Variants in SHB observed in about 807,000 individuals in gnomAD.
SHB encodes SH2 domain-containing adapter protein B.
SHB carries 20 observed loss-of-function variants against 52.3 expected under a neutral mutation model. The ratio of observed to expected loss-of-function variants is 0.38; its 90% CI spans 0.27 to 0.56. The LOEUF is 0.56. Among genes scored for constraint, SHB ranks in the 20% least tolerant of loss-of-function variants. The probability of loss-of-function intolerance (pLI) is 0.71; values close to 1 mark genes in which losing one functional copy is unlikely to be tolerated. For synonymous variants in SHB, 397 were observed against 316.5 expected (o/e 1.25, Z -2.70); for missense variants, 825 against 723.3 (o/e 1.14, Z -1.61).
chr9:37,939,054 C>A (rs894674850), intron 5 of SHB, among the ~76,000 whole-genome samples: 1 of 152,202 alleles, frequency 6.6e-6, no homozygotes, highest in African/African-American at 2.4e-5. Context: ...TACCTCCACA[C>A]ACCTCTCCTT....
chr9:38,021,192 T>A (rs550851950), intron 1 of SHB, among the ~76,000 whole-genome samples: 4 of 151,338 alleles, frequency 2.6e-5, no homozygotes, highest in East Asian at 2.0e-4. Context: ...ACAAAAAAAT[T>A]AGCTGGGCCT....
chr9:37,976,662 T>C (rs911699187), intron 2 of SHB, among the ~76,000 whole-genome samples: 1 of 152,168 alleles, frequency 6.6e-6, no homozygotes, highest in Admixed American at 6.5e-5. Flanking sequence ...TCATTATGTA[T>C]ATTCACCGTC....
At chr9:37,980,959 A>G (rs1820716827) in intron 2 of SHB, among the ~76,000 whole-genome samples, 1 of 152,224 alleles carries the variant, frequency 6.6e-6, no homozygotes, top group African/African-American at 2.4e-5. Flanking sequence ...TAAACAGAGG[A>G]ACTGCCATCC....
Position 37,919,925 on chromosome 9 carries a change from C to G in SHB, c.1426G>C (p.Asp476His). Residue 476 changes from aspartate (D) to histidine (H), a missense_variant, in exon 6 of 6, where the codon GAC becomes CAC. Physicochemically the swap from Asp to His is moderately conservative, Grantham distance 81. Coordinates refer to ENST00000377707, the MANE Select transcript of SHB (RefSeq NM_003028.3). ...YVLGQNSPPF[D>H]SVPEVIHYYT... ...TAGTGGATGACTTCCGGGACACTGT[C>G]GAACGGAGGGCTGTTCTGACCCAGA... 1 of 1,614,068 alleles carries G rather than the reference C, an allele frequency of 6.2e-7. No homozygotes were observed. Among genetic ancestry groups the G allele is most frequent in the Non-Finnish European group, 8.5e-7 (1 of 1,179,930 alleles).
intron 1 of SHB, among the ~76,000 whole-genome samples, chr9:38,035,072 A>G (rs1482683827): frequency 5.3e-5 from 8 of 152,124 alleles, no homozygotes; most frequent in Non-Finnish European, 1.5e-5. Context: ...TCTCATGGGC[A>G]TAATTGAAGG....
intron 2 of SHB, among the ~76,000 whole-genome samples, chr9:37,993,314 A>G (rs1207409273): frequency 6.6e-6 from 1 of 152,188 alleles, no homozygotes; most frequent in Non-Finnish European, 1.5e-5. Flanking sequence ...AGGAAGAAAA[A>G]CGAACTGAGC....
At chr9:37,946,840 A>T (rs1323966212) in intron 5 of SHB, among the ~76,000 whole-genome samples, 2 of 152,144 alleles carry the variant, frequency 1.3e-5, no homozygotes, top group African/African-American at 4.8e-5. Flanking sequence ...GATAACCCCC[A>T]ATGACCAGCA....
chr9:37,922,607 C>T (rs146962101), intron 5 of SHB, among the ~76,000 whole-genome samples: 3 of 152,296 alleles, frequency 2.0e-5, no homozygotes, highest in East Asian at 3.9e-4. Flanking sequence ...CAGGCTGTGC[C>T]GATGGGGCAG....
intron 2 of SHB, 125 bp downstream of exon 2, chr9:38,015,886 C>G: frequency 1.1e-6 from 1 of 900,346 alleles, no homozygotes; most frequent in Non-Finnish European, 1.7e-6. Flanking sequence ...TTGCTCCCAC[C>G]TACCAACTTG....
At chr9:37,928,744 C>A (rs1348245650) in intron 5 of SHB, among the ~76,000 whole-genome samples, 3 of 152,222 alleles carry the variant, frequency 2.0e-5, no homozygotes, top group Admixed American at 6.5e-5. Flanking sequence ...TCTGACGAAT[C>A]CCGGCTCGCC....
intron 5 of SHB, among the ~76,000 whole-genome samples, chr9:37,938,389 T>A (rs1464798059): frequency 2.0e-5 from 3 of 152,236 alleles, no homozygotes; most frequent in African/African-American, 7.2e-5. Flanking sequence ...TGCAGCACCC[T>A]CTATGCCTTC....
chr9:38,044,777 C>T (rs528749211), intron 1 of SHB, among the ~76,000 whole-genome samples: 1 of 152,244 alleles, frequency 6.6e-6, no homozygotes, highest in Non-Finnish European at 1.5e-5. Flanking sequence ...CTTCAATCAA[C>T]CTCTCTGAGA....
chr9:38,039,422 A>C (rs1821540197), intron 1 of SHB, among the ~76,000 whole-genome samples: 1 of 152,272 alleles, frequency 6.6e-6, no homozygotes, highest in Admixed American at 6.5e-5. Flanking sequence ...TGCCACTTCA[A>C]GTTTGCAAGA....
intron 3 of SHB, among the ~76,000 whole-genome samples, chr9:37,959,703 C>T (rs1053016183): frequency 6.6e-6 from 1 of 152,140 alleles, no homozygotes; most frequent in Non-Finnish European, 1.5e-5. Flanking sequence ...GACCCGGCTG[C>T]TTGTCCAGCC....
chr9:37,982,158 G>A (rs552474995), intron 2 of SHB, among the ~76,000 whole-genome samples: 3 of 152,070 alleles, frequency 2.0e-5, no homozygotes, highest in African/African-American at 7.2e-5. Flanking sequence ...AATGAAGTAT[G>A]CCTAAACATT....
At chr9:37,940,782 T>C (rs1184379566) in intron 5 of SHB, among the ~76,000 whole-genome samples, 1 of 152,222 alleles carries the variant, frequency 6.6e-6, no homozygotes, top group East Asian at 1.9e-4. Flanking sequence ...GATTTCTGCT[T>C]AGGGTATTCC....
chr9:38,056,566 A>C (rs1296593192), intron 1 of SHB, among the ~76,000 whole-genome samples: 1 of 152,186 alleles, frequency 6.6e-6, no homozygotes, highest in Non-Finnish European at 1.5e-5. Flanking sequence ...TCCTGAGCTC[A>C]TGTGATCCAC....
At chr9:37,956,727 C>T (rs10733491) in intron 3 of SHB, among the ~76,000 whole-genome samples, 88,145 of 152,018 alleles carry the variant, frequency 0.58, 25,815 homozygotes, top group East Asian at 0.82. Context: ...CCTGGAGACA[C>T]CACAAAGAGC....
rs1204455562 is a variant in SHB at position 38,068,074 on chromosome 9, G to A, written c.572C>T (p.Ala191Val). The A allele has an allele frequency of 3.3e-6, 5 of 1,492,916 alleles. No homozygotes were observed. The highest frequency in any genetic ancestry group is 4.4e-6 in the Non-Finnish European group (5 of 1,131,700). The allele number at this position is 1,492,916 out of a possible 1,614,324, so 92.5% of individuals were successfully genotyped here. A position where few individuals can be genotyped will look rare whatever the true frequency, so the allele number is the denominator to read the frequency against. ...GGGGTCCCCGGCCCCACCGCCCGCG[G>A]CGCTCTCCACTTTGATGAGGCGGTG... ...PKHRLIKVESAAGGGAGDPLG... is the reference protein window; with the variant it reads ...PKHRLIKVESVAGGGAGDPLG... Residue 191 changes from alanine (A) to valine (V), a missense_variant, in exon 1 of 6, where the codon GCC (alanine) becomes GTC (valine). By Grantham distance (64) the Ala-to-Val change is moderately conservative. Transcript: ENST00000377707.
Sources: allele counts gnomAD v4.1 joint callset (sites outside exome capture counted in the v4.1 genomes callset), GRCh38; gene constraint gnomAD v4.1.1; transcripts MANE v1.5; gene names NCBI Gene and HGNC (gene_info 2026-07-23, HGNC 2026-07-21).